Variants in RAPGEF2 observed in about 807,000 individuals in gnomAD.
RAPGEF2 encodes Rap guanine nucleotide exchange factor 2, also known as PDZ domain containing guanine nucleotide exchange factor (GEF) 1.
In RAPGEF2, 54 loss-of-function variants were observed where a neutral mutation model predicts 186.7. The observed-to-expected ratio is 0.29, with a 90% CI of 0.23 to 0.36. RAPGEF2 has a LOEUF of 0.36. Ranked by LOEUF, RAPGEF2 falls within the 10% of genes least tolerant of loss-of-function variation. The probability of loss-of-function intolerance (pLI) is 1.00; values close to 1 mark genes in which losing one functional copy is unlikely to be tolerated. For missense variants in RAPGEF2, 1,532 were observed against 2,045.0 expected (o/e 0.75, Z 4.84); for synonymous variants, 712 against 705.9 (o/e 1.01, Z -0.14).
intron 7 of RAPGEF2, among the ~76,000 whole-genome samples, chr4:159,265,340 G>C (rs1368778948): frequency 1.3e-5 from 2 of 152,212 alleles, no homozygotes; most frequent in Non-Finnish European, 2.9e-5. Flanking sequence ...GAGTGCTTCA[G>C]TGAAGGGATA....
At chr4:159,240,088 C>CA (rs1753779734) in intron 5 of RAPGEF2, among the ~76,000 whole-genome samples, 1 of 152,072 alleles carries the variant, frequency 6.6e-6, no homozygotes, top group Non-Finnish European at 1.5e-5. Context: ...TAGCACTTTC[C>CA]AACAGTAGAT....
At chr4:159,239,040 T>G (rs1753631659) in intron 5 of RAPGEF2, among the ~76,000 whole-genome samples, 156 bp downstream of exon 5, 1 of 150,534 alleles carries the variant, frequency 6.6e-6, no homozygotes. Context: ...TTTATTAATA[T>G]GAATTTGAGT....
At chr4:159,133,774 G>A (rs1196533586) in intron 1 of RAPGEF2, among the ~76,000 whole-genome samples, 1 of 151,958 alleles carries the variant, frequency 6.6e-6, no homozygotes, top group African/African-American at 2.4e-5. Flanking sequence ...TAGTAGAGAC[G>A]GGGTTTCACC....
chr4:159,131,683 AT>A (rs1378342863), intron 1 of RAPGEF2, among the ~76,000 whole-genome samples: 2 of 151,846 alleles, frequency 1.3e-5, no homozygotes, highest in African/African-American at 2.4e-5. Flanking sequence ...TTTGGGCTTG[AT>A]TAACGTCTTT....
chr4:159,152,483 G>T (rs1026778272), intron 1 of RAPGEF2, among the ~76,000 whole-genome samples: 1 of 152,080 alleles, frequency 6.6e-6, no homozygotes, highest in Admixed American at 6.5e-5. Flanking sequence ...TTTAAAATTG[G>T]TATGTCCATG....
chr4:159,323,010 T>TTGGA (rs1308313449), intron 10 of RAPGEF2, among the ~76,000 whole-genome samples: 2 of 152,184 alleles, frequency 1.3e-5, no homozygotes, highest in African/African-American at 4.8e-5. Flanking sequence ...CCAAATCCAT[T>TTGGA]ATATTTCCCA....
intron 3 of RAPGEF2, among the ~76,000 whole-genome samples, chr4:159,198,271 CTTCTTTCTTTCT>C (rs201152378): frequency 0.069 from 7,148 of 104,170 alleles, 360 homozygotes; most frequent in Admixed American, 0.086. Flanking sequence ...TCTTTCTTTC[CTTCTTTCTTTCT>C]TTCTTTCTTT....
intron 1 of RAPGEF2, among the ~76,000 whole-genome samples, chr4:159,139,147 C>G (rs1742040948): frequency 6.6e-6 from 1 of 152,154 alleles, no homozygotes; most frequent in African/African-American, 2.4e-5. Context: ...GTGTATGGCA[C>G]TGTGTTGCCA....
At chr4:159,140,619 C>T (rs1392002390) in intron 1 of RAPGEF2, among the ~76,000 whole-genome samples, 5 of 151,758 alleles carry the variant, frequency 3.3e-5, no homozygotes, top group East Asian at 1.9e-4. Flanking sequence ...TTCTAATTAC[C>T]GGGGGATCAA....
intron 20 of RAPGEF2, 53 bp from the exon 21 acceptor site, chr4:159,342,926 C>A: frequency 6.9e-7 from 1 of 1,450,192 alleles, no homozygotes; most frequent in Non-Finnish European, 9.6e-7. Context: ...AATAAATAAT[C>A]TGTACACTAT....
intron 7 of RAPGEF2, among the ~76,000 whole-genome samples, chr4:159,295,718 T>TGA (rs1308452252): frequency 0.094 from 9,582 of 102,284 alleles, 1,007 homozygotes; most frequent in African/African-American, 0.28. Context: ...AGAGAGTGTG[T>TGA]GAGTGTGTGT....
chr4:159,311,167 A>G (rs1161389752), intron 8 of RAPGEF2, among the ~76,000 whole-genome samples: 1 of 152,162 alleles, frequency 6.6e-6, no homozygotes, highest in Non-Finnish European at 1.5e-5. Flanking sequence ...TAGTAATACT[A>G]ACTTGCTGAA....
chr4:159,109,714 A>G (rs1262958473), intron 1 of RAPGEF2, among the ~76,000 whole-genome samples: 1 of 152,206 alleles, frequency 6.6e-6, no homozygotes, highest in East Asian at 1.9e-4. Flanking sequence ...TTCCTAGATG[A>G]ATATGTATTG....
intron 7 of RAPGEF2, among the ~76,000 whole-genome samples, chr4:159,294,762 G>A (rs1366002987): frequency 6.6e-6 from 1 of 151,330 alleles, no homozygotes; most frequent in African/African-American, 2.4e-5. Context: ...CATTGGCATG[G>A]TCTTGGCCCA....
chr4:159,248,041 C>T (rs772762440), intron 7 of RAPGEF2, among the ~76,000 whole-genome samples: 18 of 152,044 alleles, frequency 1.2e-4, no homozygotes, highest in Non-Finnish European at 2.2e-4. Flanking sequence ...GGATTACAGG[C>T]GTGAGCCACT....
At chr4:159,219,601 T>C (rs1235336762) in intron 4 of RAPGEF2, among the ~76,000 whole-genome samples, 8 of 152,142 alleles carry the variant, frequency 5.3e-5, no homozygotes, top group Non-Finnish European at 8.8e-5. Context: ...ATGATCTGCC[T>C]GCCTCAGCCT....
chr4:159,250,781 C>T (rs1048773044), intron 7 of RAPGEF2, among the ~76,000 whole-genome samples: 4 of 151,754 alleles, frequency 2.6e-5, no homozygotes, highest in South Asian at 2.1e-4. Context: ...TAGCAGCCCT[C>T]GCTTGCTCTC....
chr4:159,169,438 T>C (rs1322653814), intron 1 of RAPGEF2, among the ~76,000 whole-genome samples: 1 of 152,244 alleles, frequency 6.6e-6, no homozygotes, highest in Non-Finnish European at 1.5e-5. Context: ...AACTTATTTT[T>C]TGTGGTTAGA....
At chr4:159,109,480 C>G (rs1738258723) in intron 1 of RAPGEF2, among the ~76,000 whole-genome samples, 1 of 152,112 alleles carries the variant, frequency 6.6e-6, no homozygotes, top group African/African-American at 2.4e-5. Context: ...TAATAGCTGT[C>G]TGAGGTTTTG....
Sources: allele counts gnomAD v4.1 joint callset (sites outside exome capture counted in the v4.1 genomes callset), GRCh38; gene constraint gnomAD v4.1.1; transcripts MANE v1.5; gene names NCBI Gene and HGNC (gene_info 2026-07-23, HGNC 2026-07-21).